SORCS1: variants seen among roughly 807,000 people sequenced by gnomAD.
The protein encoded by SORCS1 is VPS10 domain-containing receptor SorCS1.
A neutral mutation model predicts 146.1 loss-of-function variants in SORCS1; 60 were observed. The observed-to-expected ratio is 0.41, with a 90% CI of 0.33 to 0.51. The LOEUF (loss-of-function observed/expected upper bound fraction) is 0.51, where lower values mean the gene tolerates loss of function less well. Ranked by LOEUF, SORCS1 falls within the 20% of genes least tolerant of loss-of-function variation. The pLI, the probability that SORCS1 is intolerant of heterozygous loss-of-function variation, is 0.21. For missense variants in SORCS1, 1,352 were observed against 1,487.6 expected (o/e 0.91, Z 1.50); for synonymous variants, 637 against 584.0 (o/e 1.09, Z -1.31).
intron 25 of SORCS1, chr10:106,579,037 A>G: frequency 6.2e-7 from 1 of 1,600,258 alleles, no homozygotes. Context: ...TTAGAGAGAG[A>G]GTCAGCCATT....
At chr10:106,946,113 A>C (rs1175462386) in intron 2 of SORCS1, among the ~76,000 whole-genome samples, 1 of 152,198 alleles carries the variant, frequency 6.6e-6, no homozygotes, top group African/African-American at 2.4e-5. Flanking sequence ...GAACTGTATC[A>C]CCTACACATA....
chr10:106,888,808 T>C (rs1339551072), intron 2 of SORCS1, among the ~76,000 whole-genome samples: 1 of 152,346 alleles, frequency 6.6e-6, no homozygotes, highest in Non-Finnish European at 1.5e-5. Context: ...GGAGAATCTA[T>C]GTCCTAGACC....
chr10:106,985,224 T>C (rs35382053), intron 1 of SORCS1, among the ~76,000 whole-genome samples: 33,635 of 151,850 alleles, frequency 0.22, 4,496 homozygotes, highest in Middle Eastern at 0.33. Flanking sequence ...ATAAATAAAA[T>C]AGGGTGAGCA....
chr10:107,001,492 TAGGA>T (rs748502714), intron 1 of SORCS1, among the ~76,000 whole-genome samples: 10 of 151,994 alleles, frequency 6.6e-5, no homozygotes, highest in Non-Finnish European at 1.2e-4. Flanking sequence ...ATAGGAGTAA[TAGGA>T]AGGAAGGAAG....
intron 1 of SORCS1, among the ~76,000 whole-genome samples, chr10:107,163,010 C>T (rs1282068873): frequency 6.6e-6 from 1 of 152,230 alleles, no homozygotes; most frequent in East Asian, 1.9e-4. Flanking sequence ...ACTATTTCAA[C>T]TCACTGAAGT....
intron 5 of SORCS1, among the ~76,000 whole-genome samples, chr10:106,759,765 G>C (rs188360679): frequency 6.6e-6 from 1 of 151,820 alleles, no homozygotes; most frequent in East Asian, 1.9e-4. Flanking sequence ...CTCTCTTCAC[G>C]TATTTCTCTT....
rs116076259 is a variant in SORCS1, at chr10:107,067,071, T to C, written c.558+96898A>G. The stretch of plus-strand genomic sequence containing the variant: ...GTTTATTTGAAAGGTAGCATTGTTT[T>C]ATGGGAGCTGGCTGAAACTCAAACT... On this transcript the variant is annotated intron_variant, in intron 1 of 25. Transcript: ENST00000263054. 9.8e-3 allele frequency among the ~76,000 whole-genome samples: 1,487 copies of C among 152,292 alleles called. 30 individuals carry two copies. Among genetic ancestry groups the C allele is most frequent in the African/African-American group, 0.034 (1,424 of 41,546 alleles).
intron 1 of SORCS1, among the ~76,000 whole-genome samples, chr10:107,010,623 GACCATCAGCCC>G (rs1395982870): frequency 6.6e-6 from 1 of 152,132 alleles, no homozygotes; most frequent in Non-Finnish European, 1.5e-5. Flanking sequence ...ACAAAACTTG[GACCATCAGCCC>G]AACTCAGGAA....
chr10:107,044,770 C>T (rs191684798), intron 1 of SORCS1, among the ~76,000 whole-genome samples: 234 of 147,030 alleles, frequency 1.6e-3, no homozygotes, highest in African/African-American at 5.8e-3. Context: ...CAAGATGGCG[C>T]CATTGCATTC....
chr10:106,591,406 T>C (rs1023639613), intron 24 of SORCS1, among the ~76,000 whole-genome samples: 1 of 152,198 alleles, frequency 6.6e-6, no homozygotes, highest in African/African-American at 2.4e-5. Flanking sequence ...TGTAAATGAA[T>C]GCAAGTCTCC....
At chr10:106,843,492 C>T (rs1167144245) in intron 2 of SORCS1, among the ~76,000 whole-genome samples, 1 of 128,758 alleles carries the variant, frequency 7.8e-6, no homozygotes, top group Non-Finnish European at 1.5e-5. Context: ...AGTGCAGTGG[C>T]GCGATCTCGG....
intron 1 of SORCS1, among the ~76,000 whole-genome samples, chr10:107,153,700 G>A (rs137979312): frequency 0.015 from 2,236 of 152,322 alleles, 23 homozygotes; most frequent in Non-Finnish European, 0.025. Flanking sequence ...CTCTTGTACA[G>A]TTGTTGCCTG....
chr10:107,142,400 T>C (rs913744530), intron 1 of SORCS1, among the ~76,000 whole-genome samples: 1 of 152,194 alleles, frequency 6.6e-6, no homozygotes, highest in Non-Finnish European at 1.5e-5. Flanking sequence ...CACTCCAAAA[T>C]GTTTTAAATC....
At chr10:106,945,282 T>G (rs1954277022) in intron 2 of SORCS1, among the ~76,000 whole-genome samples, 2 of 152,000 alleles carry the variant, frequency 1.3e-5, no homozygotes, top group African/African-American at 4.8e-5. Context: ...CTGGTCATGC[T>G]GAAAGAATAA....
chr10:107,144,963 T>C (rs1286779389), intron 1 of SORCS1, among the ~76,000 whole-genome samples: 6 of 152,260 alleles, frequency 3.9e-5, no homozygotes, highest in African/African-American at 7.2e-5. Flanking sequence ...CAAGGCTTTC[T>C]ACAGTGTCTC....
chr10:106,801,748 T>C (rs1172262057), intron 3 of SORCS1, among the ~76,000 whole-genome samples: 1 of 152,150 alleles, frequency 6.6e-6, no homozygotes, highest in African/African-American at 2.4e-5. Flanking sequence ...GCCAGGACGG[T>C]CTCGATCTCC....
rs576075485 is a variant in SORCS1, at chr10:106,976,301, T to C, written c.559-19721A>G. ...GTATATATGTGCCATGGTGGTTTGC[T>C]GCACCTATCAACTCATCATCTAGGT... On this transcript the variant is annotated intron_variant, in intron 1 of 25. Coordinates refer to ENST00000263054, the MANE Select transcript of SORCS1 (RefSeq NM_052918.5). Among the ~76,000 whole-genome samples the C allele has an allele frequency of 4.7e-5, 7 of 149,266 alleles. No individual in the cohort carries two copies. In the East Asian group the frequency reaches 7.9e-4, roughly 17 times the overall value.
chr10:106,979,303 T>C lies in SORCS1; in HGVS notation c.559-22723A>G, dbSNP rs1254720617. ...CTTCCTTAGGAAGTTTGTAAGACAG[T>C]AATTAAAAAAGATATGCATGTGGAA... On this transcript the variant is annotated intron_variant, in intron 1 of 25. Coordinates refer to ENST00000263054, the MANE Select transcript of SORCS1 (RefSeq NM_052918.5). Among the ~76,000 whole-genome samples the C allele has an allele frequency of 8.5e-5, 13 of 152,050 alleles. No homozygotes were observed. In the East Asian group the frequency reaches 2.3e-3, roughly 27 times the overall value.
In SORCS1 at chr10:106,620,512, G is replaced by A. The variant is rs1188270453; in HGVS notation, c.2712C>T (p.Asn904=). 1 of 1,613,990 alleles carries A rather than the reference G, an allele frequency of 6.2e-7. No individual in the cohort carries two copies. The highest frequency in any genetic ancestry group is 2.2e-5 in the East Asian group (1 of 44,884). Residue 904 remains asparagine (N), a synonymous_variant, in exon 20 of 26, where the codon AAC becomes AAT. Transcript: ENST00000263054. ...GCACTGCCGTCGCATTGACCTCTTT[G>A]TTCTTTGTGGTGACAAAGGGAAGAG... ...HLSLPFVTTK[N]KEVNATAVLW... is the part of the protein sequence containing the mutation.
Sources: gnomAD v4.1 joint callset for allele counts (sites outside exome capture counted in the v4.1 genomes callset) on GRCh38, gnomAD v4.1.1 for gene constraint, MANE v1.5 for transcripts, NCBI Gene and HGNC (gene_info 2026-07-23, HGNC 2026-07-21) for gene names.